The following PARD3B variants were observed in gnomAD, a reference collection of about 807,000 sequenced individuals.
PARD3B encodes partitioning defective 3 homolog B.
A neutral mutation model predicts 130.2 loss-of-function variants in PARD3B; 103 were observed. That is an observed-to-expected ratio of 0.79 (90% CI 0.67 to 0.93). PARD3B has a LOEUF of 0.93. PARD3B is among the 40% of genes least tolerant of loss of function. The pLI is 0.00. For synonymous variants in PARD3B, 583 were observed against 553.2 expected, an observed-to-expected ratio of 1.05 and a Z score of -0.76; for missense variants, 1,609 against 1,499.2, an observed-to-expected ratio of 1.07 and a Z score of -1.21.
intron 20 of PARD3B, among the ~76,000 whole-genome samples, chr2:205,494,094 C>T (rs1055034176): frequency 6.6e-6 from 1 of 152,080 alleles, no homozygotes; most frequent in Non-Finnish European, 1.5e-5. Flanking sequence ...ATCATCAAAT[C>T]TGGACACCAG....
chr2:204,590,003 A>G (rs545211250), intron 1 of PARD3B, among the ~76,000 whole-genome samples: 1 of 152,264 alleles, frequency 6.6e-6, no homozygotes, highest in East Asian at 1.9e-4. Context: ...GATATTTCCC[A>G]CATATGAAAT....
chr2:205,280,614 A>C lies in PARD3B; in HGVS notation c.2186-19916A>C, dbSNP rs1481042219. Reference sequence around the variant, plus strand: ...AAATAAGTATCTGTTGTCTCCCCAGATCAAGCTGTGTTTGTCTTATTTGTA... The same window carrying C: ...AAATAAGTATCTGTTGTCTCCCCAGCTCAAGCTGTGTTTGTCTTATTTGTA... On this transcript the variant is annotated intron_variant, in intron 16 of 22. Coordinates refer to ENST00000406610, the MANE Select transcript of PARD3B (RefSeq NM_001302769.2). The surrounding 1 kb of genome is among the most constrained non-coding windows in gnomAD (Gnocchi z 4.7). 1.3e-5 allele frequency among the ~76,000 whole-genome samples: 2 copies of C among 152,220 alleles called. No homozygotes were observed. The highest frequency in any genetic ancestry group is 2.4e-5 in the African/African-American group (1 of 41,462).
chr2:204,793,912 C>T (rs2042280213), intron 2 of PARD3B, among the ~76,000 whole-genome samples: 1 of 152,158 alleles, frequency 6.6e-6, no homozygotes, highest in African/African-American at 2.4e-5. Flanking sequence ...TGAATAGTCT[C>T]ATAGAGAGGC....
Position 205,406,553 on chromosome 2 carries a change from T to C in PARD3B, c.2741+5430T>C, listed in dbSNP as rs796176789. On this transcript the variant is annotated intron_variant, in intron 19 of 22. Transcript: ENST00000406610. ...TTTCCTTTATTGTCTTAATTATATT[T>C]ATACATAATCAAATAAATAAAATAT... Among the ~76,000 whole-genome samples, 9 of 151,948 alleles carry C rather than the reference T, an allele frequency of 5.9e-5. 1 individual carries two copies. In the South Asian group the frequency reaches 1.7e-3, roughly 28 times the overall value.
intron 22 of PARD3B, among the ~76,000 whole-genome samples, chr2:205,604,826 G>A (rs915050629): frequency 1.3e-5 from 2 of 152,162 alleles, no homozygotes; most frequent in Admixed American, 1.3e-4. Context: ...TGTTTTCGCT[G>A]TCTCTTTCAG....
At chr2:204,963,564 G>A (rs1690938123) in intron 2 of PARD3B, among the ~76,000 whole-genome samples, 1 of 152,046 alleles carries the variant, frequency 6.6e-6, no homozygotes, top group South Asian at 2.1e-4. Context: ...CAAAATTGAA[G>A]TTATTATATA....
At position 204,765,886 on chromosome 2, in the gene PARD3B, T is replaced by G. The variant is rs566843661; in HGVS notation, c.222+79604T>G. ...GAAACCAAGTGTAATTTCAGCAATT[T>G]CGAGCCCATCGAACTTGCCTAGCTA... is the stretch of plus-strand genomic sequence containing the variant. On this transcript the variant is annotated intron_variant, in intron 2 of 22. Coordinates refer to ENST00000406610, the MANE Select transcript of PARD3B (RefSeq NM_001302769.2). Among the ~76,000 whole-genome samples the G allele has an allele frequency of 2.0e-5, 3 of 152,270 alleles. No individual in the cohort carries two copies. The East Asian group carries it at 5.8e-4, about 29-fold the overall frequency.
chr2:205,535,239 G>A (rs112538538), intron 21 of PARD3B, among the ~76,000 whole-genome samples: 1 of 152,112 alleles, frequency 6.6e-6, no homozygotes, highest in African/African-American at 2.4e-5. Context: ...ATCTAAGCCC[G>A]GTCTTTCCTT....
chr2:204,950,427 T>G (rs1455775691), intron 2 of PARD3B, among the ~76,000 whole-genome samples: 1 of 152,188 alleles, frequency 6.6e-6, no homozygotes, highest in East Asian at 1.9e-4. Flanking sequence ...TGAGTCAGTG[T>G]GACTGCAGAG....
At position 205,105,457 on chromosome 2, in the gene PARD3B, T is replaced by G. The variant is rs1703131863; in HGVS notation, c.593+943T>G. Among the ~76,000 whole-genome samples the G allele has an allele frequency of 6.6e-6, 1 of 152,242 alleles. No homozygotes were observed. The highest frequency in any genetic ancestry group is 6.5e-5 in the Admixed American group (1 of 15,288). ...AGCTACTGAAGTTTATAATTATTCA[T>G]GCAGTTGACGTATTCCTTTCATTTA... On this transcript the variant is annotated intron_variant, in intron 5 of 22. Coordinates refer to ENST00000406610, the MANE Select transcript of PARD3B (RefSeq NM_001302769.2). This position sits in a 1 kb window ranked among gnomAD's most constrained non-coding sequence, Gnocchi z 4.0.
intron 1 of PARD3B, among the ~76,000 whole-genome samples, chr2:204,620,873 GC>G (rs1410151808): frequency 6.6e-6 from 1 of 152,102 alleles, no homozygotes; most frequent in Admixed American, 6.6e-5. Flanking sequence ...TGAAGAAGTT[GC>G]GTCCGTTATT....
At chr2:204,837,476 A>G (rs2044087519) in intron 2 of PARD3B, among the ~76,000 whole-genome samples, 1 of 148,610 alleles carries the variant, frequency 6.7e-6, no homozygotes, top group African/African-American at 2.5e-5. Context: ...GCTGGAGTGC[A>G]GTGGTGCAAT....
chr2:205,415,837 C>T (rs2046756722), intron 19 of PARD3B, among the ~76,000 whole-genome samples: 4 of 152,104 alleles, frequency 2.6e-5, no homozygotes, highest in Admixed American at 2.6e-4. Context: ...AGGAGAAACA[C>T]ATTTTACTAA....
chr2:205,079,148 C>T (rs1229791985), intron 4 of PARD3B, among the ~76,000 whole-genome samples: 5 of 152,166 alleles, frequency 3.3e-5, no homozygotes, highest in South Asian at 4.1e-4. Flanking sequence ...GCAGCAATAA[C>T]GACCAGAACA....
chr2:205,509,054 A>C (rs2106365879), intron 21 of PARD3B, among the ~76,000 whole-genome samples: 1 of 152,204 alleles, frequency 6.6e-6, no homozygotes, highest in East Asian at 1.9e-4. Flanking sequence ...ATATGGGAGA[A>C]GATCTGGACT....
chr2:204,965,389 T>C, intron 3 of PARD3B, 66 bp downstream of exon 3: 1 of 1,467,480 alleles, frequency 6.8e-7, no homozygotes, highest in Non-Finnish European at 9.3e-7. Flanking sequence ...TGATTAGGCA[T>C]TGTTTCTTCT....
intron 18 of PARD3B, among the ~76,000 whole-genome samples, chr2:205,353,895 G>T (rs1212402605): frequency 6.6e-6 from 1 of 151,994 alleles, no homozygotes; most frequent in Admixed American, 6.6e-5. Flanking sequence ...TCCCTGTGGT[G>T]TTATCTCAAG....
intron 10 of PARD3B, among the ~76,000 whole-genome samples, chr2:205,152,667 C>A (rs924876055): frequency 1.3e-5 from 2 of 152,014 alleles, no homozygotes; most frequent in Non-Finnish European, 2.9e-5. Context: ...AATCTTTTTT[C>A]AAGGTTTTTA....
intron 4 of PARD3B, among the ~76,000 whole-genome samples, chr2:205,084,918 T>C (rs748189229): frequency 1.6e-4 from 24 of 152,172 alleles, no homozygotes; most frequent in Middle Eastern, 3.4e-3. Context: ...GTTTCATGTA[T>C]GCCTTTGCTT....
Sources: gnomAD v4.1 joint callset for allele counts (sites outside exome capture counted in the v4.1 genomes callset) on GRCh38, gnomAD v4.1.1 for gene constraint, Gnocchi (gnomAD v3.1) non-coding constraint, MANE v1.5 for transcripts, NCBI Gene and HGNC (gene_info 2026-07-23, HGNC 2026-07-21) for gene names.